Variants in ZRANB1 observed in about 807,000 individuals in gnomAD.
The protein encoded by ZRANB1 is zinc finger RANBP2-type containing 1.
ZRANB1 carries 16 observed loss-of-function variants against 80.5 expected under a neutral mutation model. The ratio of observed to expected loss-of-function variants is 0.20; its 90% CI spans 0.13 to 0.30. The LOEUF (loss-of-function observed/expected upper bound fraction) is 0.30. Ranked by LOEUF, ZRANB1 falls within the 10% of genes least tolerant of loss-of-function variation. The probability of loss-of-function intolerance (pLI) is 1.00; values close to 1 mark genes in which losing one functional copy is unlikely to be tolerated. For missense variants in ZRANB1, 576 were observed against 862.6 expected, an observed-to-expected ratio of 0.67 and a Z score of 4.16; for synonymous variants, 291 against 293.1, an observed-to-expected ratio of 0.99 and a Z score of 0.07.
intron 1 of ZRANB1, among the ~76,000 whole-genome samples, chr10:124,947,327 G>A (rs926403426): frequency 2.0e-5 from 3 of 152,202 alleles, no homozygotes; most frequent in Non-Finnish European, 2.9e-5. Context: ...GGGCGGTCAT[G>A]TGAGCACTCA....
chr10:124,942,734 A>C lies in ZRANB1; in HGVS notation c.241A>C (p.Ser81Arg). 1 of 1,614,232 alleles carries C rather than the reference A, an allele frequency of 6.2e-7. No individual in the cohort carries two copies. The highest frequency in any genetic ancestry group is 8.5e-7 in the Non-Finnish European group (1 of 1,180,042). Reference sequence around the variant, plus strand: ...AAGACCAAGGGTGAAATCTTCGTATAGCATGGAAAATGCAAATAAGTGGTC... The same window carrying C: ...AAGACCAAGGGTGAAATCTTCGTATCGCATGGAAAATGCAAATAAGTGGTC... ...SARPRVKSSY[S>R]MENANKWSCH... Residue 81 changes from serine to arginine, a missense_variant, in exon 1 of 9, where the codon AGC becomes CGC. This residue lies in a region of ZRANB1 where 411 missense variants were observed against 583.1 expected (regional missense o/e 0.70). Coordinates refer to ENST00000359653, the MANE Select transcript of ZRANB1 (RefSeq NM_017580.3).
rs550241629 is a variant in ZRANB1 at position 124,974,354 on chromosome 10, G to T, written c.1383G>T (p.Val461=). ...ATWGIYDKDS[V]LRKALHDSLH... ...GGGGCATCTATGACAAGGACTCAGT[G>T]CTTCGGAAAGCCCTGCATGACAGCC... Residue 461 remains valine, a synonymous_variant, in exon 5 of 9, where the codon GTG becomes GTT. Coordinates refer to ENST00000359653, the MANE Select transcript of ZRANB1 (RefSeq NM_017580.3). 6.2e-7 allele frequency: 1 copy of T among 1,614,276 alleles called. No individual in the cohort carries two copies. Among genetic ancestry groups the T allele is most frequent in the Non-Finnish European group, 8.5e-7 (1 of 1,180,046 alleles).
chr10:124,935,959 G>A, the ZRANB1 span, among the ~76,000 whole-genome samples: 3 of 152,192 alleles, frequency 2.0e-5, no homozygotes, highest in Non-Finnish European at 4.4e-5. Context: ...AGTGCCAAAT[G>A]TCAATAAAAG....
At chr10:124,965,746 A>C (rs1448086493) in intron 1 of ZRANB1, among the ~76,000 whole-genome samples, 1 of 152,186 alleles carries the variant, frequency 6.6e-6, no homozygotes, top group Admixed American at 6.5e-5. Flanking sequence ...TTTGTGGTAA[A>C]TTGGAAGCTA....
intron 5 of ZRANB1, among the ~76,000 whole-genome samples, chr10:124,976,720 G>A (rs893401433): frequency 2.6e-5 from 4 of 151,648 alleles, no homozygotes; most frequent in African/African-American, 9.7e-5. Context: ...TACAGGTGGC[G>A]CCACCATACC....
chr10:124,926,903 C>G, the ZRANB1 span, among the ~76,000 whole-genome samples: 25 of 152,164 alleles, frequency 1.6e-4, no homozygotes, highest in African/African-American at 6.0e-4. Flanking sequence ...ACTACTGTCA[C>G]ATATACAGTC....
intron 1 of ZRANB1, among the ~76,000 whole-genome samples, chr10:124,963,824 T>C (rs1045082190): frequency 6.6e-6 from 1 of 152,224 alleles, no homozygotes; most frequent in African/African-American, 2.4e-5. Context: ...AATTTACTAA[T>C]CTTTGTAGCT....
At chr10:124,956,268 A>G (rs1281898047) in intron 1 of ZRANB1, among the ~76,000 whole-genome samples, 2 of 152,168 alleles carry the variant, frequency 1.3e-5, no homozygotes, top group Admixed American at 1.3e-4. Context: ...GTATAAAAGG[A>G]TGTGTTTTGA....
intron 5 of ZRANB1, among the ~76,000 whole-genome samples, chr10:124,977,711 G>GAAAA (rs752296814): frequency 0.021 from 998 of 48,602 alleles, 21 homozygotes; most frequent in Non-Finnish European, 0.026. Flanking sequence ...ACCCTGCTAA[G>GAAAA]AAAAAAAAAA....
chr10:124,929,262 G>C, the ZRANB1 span, among the ~76,000 whole-genome samples: 13 of 152,104 alleles, frequency 8.5e-5, no homozygotes, highest in Non-Finnish European at 1.8e-4. Context: ...TAGCAAGAGG[G>C]TACTGGAGTC....
intron 2 of ZRANB1, among the ~76,000 whole-genome samples, chr10:124,969,094 T>G (rs1951799181): frequency 6.6e-6 from 1 of 152,188 alleles, no homozygotes; most frequent in Non-Finnish European, 1.5e-5. Flanking sequence ...TACTGTGCCA[T>G]GCAGGCCTGT....
chr10:124,977,904 C>T (rs980193061), intron 5 of ZRANB1, among the ~76,000 whole-genome samples: 2 of 151,984 alleles, frequency 1.3e-5, no homozygotes, highest in Non-Finnish European at 2.9e-5. Context: ...CAGGAGTGAG[C>T]ACCTAGGGCT....
upstream of ZRANB1, chr10:124,940,451 A>C: frequency 1.6e-6 from 2 of 1,236,556 alleles, no homozygotes; most frequent in Non-Finnish European, 2.1e-6. Flanking sequence ...CTGAGCCAGC[A>C]TGAAGACGGA....
At chr10:124,937,680 C>G (rs1240521655), upstream of ZRANB1, among the ~76,000 whole-genome samples, 1 of 152,166 alleles carries the variant, frequency 6.6e-6, no homozygotes, top group East Asian at 1.9e-4. Flanking sequence ...CCCCCGCCTG[C>G]TATTAGTACA....
intron 1 of ZRANB1, among the ~76,000 whole-genome samples, chr10:124,951,873 C>T (rs956248818): frequency 1.3e-5 from 2 of 152,092 alleles, no homozygotes; most frequent in Non-Finnish European, 2.9e-5. Flanking sequence ...AGAAGAATCT[C>T]TTGGACCTGG....
the ZRANB1 span, among the ~76,000 whole-genome samples, chr10:124,922,260 AAT>A: frequency 0.77 from 81,594 of 105,862 alleles, 33,465 homozygotes; most frequent in East Asian, 0.94. Context: ...ATATATGTAA[AAT>A]ATATATATAT....
chr10:124,917,492 G>A, the ZRANB1 span, among the ~76,000 whole-genome samples: 1 of 152,026 alleles, frequency 6.6e-6, no homozygotes. Context: ...GGGAGGGCGG[G>A]TCCGCCCAGC....
chr10:124,918,805 A>T, the ZRANB1 span, among the ~76,000 whole-genome samples: 16 of 152,256 alleles, frequency 1.1e-4, no homozygotes, highest in Non-Finnish European at 5.9e-5. Context: ...GGCTCTAAAG[A>T]TAGGCAGTCT....
At chr10:124,964,045 G>A (rs1951758344) in intron 1 of ZRANB1, among the ~76,000 whole-genome samples, 1 of 152,212 alleles carries the variant, frequency 6.6e-6, no homozygotes, top group Non-Finnish European at 1.5e-5. Context: ...CTGGGGAATG[G>A]GCAGTATGCC....
Sources: allele counts gnomAD v4.1 joint callset (sites outside exome capture counted in the v4.1 genomes callset), GRCh38; gene constraint gnomAD v4.1.1; regional missense constraint gnomAD v4.1.1; transcripts MANE v1.5; gene names NCBI Gene and HGNC (gene_info 2026-07-23, HGNC 2026-07-21).